The following EBF2 variants were observed in gnomAD, a reference collection of about 807,000 sequenced individuals.
The protein encoded by EBF2 is transcription factor COE2.
A neutral mutation model predicts 72.8 loss-of-function variants in EBF2; 21 were observed. The observed-to-expected ratio is 0.29, with a 90% CI of 0.20 to 0.42. EBF2 has a LOEUF of 0.42. EBF2 is among the 10% of genes least tolerant of loss of function. EBF2 has a pLI of 1.00. For synonymous variants in EBF2, 299 were observed against 274.2 expected (o/e 1.09, Z -0.89); for missense variants, 637 against 731.2 (o/e 0.87, Z 1.49).
chr8:26,036,328 A>C (rs547648851), intron 5 of EBF2, among the ~76,000 whole-genome samples: 2 of 152,208 alleles, frequency 1.3e-5, no homozygotes, highest in Non-Finnish European at 2.9e-5. Context: ...AAAAATGCAG[A>C]TAAACTTTAG....
At position 26,009,576 on chromosome 8, in the gene EBF2, T is replaced by A. The variant is rs556633244; in HGVS notation, c.551+23509A>T. ...GGCAACTTGGGTATTGACTCTATTT[T>A]GCTTCTTCCAGCCACGATTCTCTAA... On this transcript the variant is annotated intron_variant, in intron 6 of 15. Coordinates refer to ENST00000520164, the MANE Select transcript of EBF2 (RefSeq NM_022659.4). Among the ~76,000 whole-genome samples, 137 of 152,308 alleles carry A rather than the reference T, an allele frequency of 9.0e-4. 1 individual carries two copies. The highest frequency in any genetic ancestry group is 3.2e-3 in the African/African-American group (135 of 41,576).
chr8:25,931,401 A>T (rs1803477581), intron 6 of EBF2, among the ~76,000 whole-genome samples: 1 of 152,192 alleles, frequency 6.6e-6, no homozygotes, highest in South Asian at 2.1e-4. Flanking sequence ...GGTTTGGACG[A>T]CTTGAACCAG....
chr8:25,868,732 T>G (rs1187173168), intron 10 of EBF2, among the ~76,000 whole-genome samples: 14 of 152,208 alleles, frequency 9.2e-5, no homozygotes, highest in Admixed American at 9.2e-4. Flanking sequence ...CGCCTTAGCC[T>G]CCCAAATTGC....
intron 10 of EBF2, among the ~76,000 whole-genome samples, chr8:25,872,236 A>G (rs4568629): frequency 0.58 from 88,141 of 152,008 alleles, 28,080 homozygotes; most frequent in African/African-American, 0.86. Flanking sequence ...GACCAGCAGG[A>G]GCACTGATTG....
At chr8:26,021,441 C>T (rs1052978038) in intron 6 of EBF2, among the ~76,000 whole-genome samples, 2 of 152,192 alleles carry the variant, frequency 1.3e-5, no homozygotes, top group African/African-American at 2.4e-5. Flanking sequence ...GGTCTGAAGT[C>T]AGTTATGGCC....
At position 26,005,561 on chromosome 8, in the gene EBF2, TAG is replaced by T. The variant is rs1554481009; in HGVS notation, c.551+27522_551+27523del. The stretch of plus-strand genomic sequence containing the variant: ...TATATTTTATATATATATATATATA[TAG>T]AGAGAGAGAGAGAGAGGTATTTTGG... On this transcript the variant is annotated intron_variant, in intron 6 of 15. Coordinates refer to ENST00000520164, the MANE Select transcript of EBF2 (RefSeq NM_022659.4). Among the ~76,000 whole-genome samples the T allele has an allele frequency of 9.7e-3, 617 of 63,902 alleles. 31 individuals carry two copies. Among genetic ancestry groups the T allele is most frequent in the Admixed American group, 0.082 (289 of 3,544 alleles). 41.9% of individuals were successfully genotyped at this position (63,902 alleles called of 152,430 possible).
chr8:25,843,968 AG>A lies in EBF2; in HGVS notation c.*640del, dbSNP rs1801781636. 2 of 152,354 alleles carry A rather than the reference AG, an allele frequency of 1.3e-5. No individual in the cohort carries two copies. The highest frequency in any genetic ancestry group is 1.9e-4 in the East Asian group (1 of 5,180). The allele number at this position is 152,354 out of a possible 1,614,324, so 9.4% of individuals were successfully genotyped here. On this transcript the variant is annotated 3_prime_UTR_variant, in exon 16 of 16. Coordinates refer to ENST00000520164, the MANE Select transcript of EBF2 (RefSeq NM_022659.4). Reference sequence around the variant, plus strand: ...AGAAATCCCTCTCTCTTCCAAAAAAAGGTCTTAATTTCTACCTCTACTTACA... The same window carrying A: ...AGAAATCCCTCTCTCTTCCAAAAAAAGTCTTAATTTCTACCTCTACTTACA...
chr8:25,960,181 A>G (rs1182513073), intron 6 of EBF2, among the ~76,000 whole-genome samples: 1 of 152,160 alleles, frequency 6.6e-6, no homozygotes, highest in Non-Finnish European at 1.5e-5. Flanking sequence ...GGCAGACTCC[A>G]CCCTTGCTCA....
chr8:25,913,483 A>G (rs1410875207), intron 6 of EBF2, among the ~76,000 whole-genome samples: 1 of 152,190 alleles, frequency 6.6e-6, no homozygotes, highest in Non-Finnish European at 1.5e-5. Flanking sequence ...ATGTGAACTT[A>G]GTAGTAGTTA....
intron 6 of EBF2, among the ~76,000 whole-genome samples, chr8:25,923,990 A>T (rs924771980): frequency 1.1e-4 from 16 of 152,152 alleles, no homozygotes; most frequent in Admixed American, 9.8e-4. Context: ...TTTTCATGTG[A>T]TCTATAAAAT....
chr8:26,041,253 G>T, intron 2 of EBF2: 1 of 556,248 alleles, frequency 1.8e-6, no homozygotes. Flanking sequence ...CCTCAGAAGT[G>T]TGACCCTTGA....
At chr8:25,885,470 T>C (rs1585275676) in intron 10 of EBF2, among the ~76,000 whole-genome samples, 2 of 152,348 alleles carry the variant, frequency 1.3e-5, no homozygotes, top group East Asian at 3.9e-4. Flanking sequence ...CTACTGTATG[T>C]ACTACATAAG....
intron 6 of EBF2, among the ~76,000 whole-genome samples, chr8:25,958,401 A>ATTTTT (rs61438717): frequency 6.7e-6 from 1 of 150,164 alleles, no homozygotes; most frequent in Non-Finnish European, 1.5e-5. Context: ...TTTCCCCGGC[A>ATTTTT]TTTTTTTTTT....
At chr8:25,927,825 G>A (rs1480891749) in intron 6 of EBF2, among the ~76,000 whole-genome samples, 1 of 152,142 alleles carries the variant, frequency 6.6e-6, no homozygotes, top group Non-Finnish European at 1.5e-5. Flanking sequence ...TAATTAAAGT[G>A]TGTCAAGTTT....
chr8:25,980,914 A>C (rs1254849788), intron 6 of EBF2, among the ~76,000 whole-genome samples: 3 of 140,252 alleles, frequency 2.1e-5, no homozygotes, highest in Admixed American at 7.1e-5. Context: ...GACCCCCTTC[A>C]CCCCTGGAGT....
In EBF2 at chr8:25,983,532, C is replaced by T. The variant is rs142300709; in HGVS notation, c.551+49553G>A. On this transcript the variant is annotated intron_variant, in intron 6 of 15. Transcript: ENST00000520164. ...GAGAAAGTGTCATTCACTCTCCTGCCCTCATCCCCAGCTGTCTACTGGGAA... is the reference window on the plus strand; with the variant it reads ...GAGAAAGTGTCATTCACTCTCCTGCTCTCATCCCCAGCTGTCTACTGGGAA... Among the ~76,000 whole-genome samples, 137 of 152,300 alleles carry T rather than the reference C, an allele frequency of 9.0e-4. 1 individual carries two copies. Among genetic ancestry groups the T allele is most frequent in the African/African-American group, 3.1e-3 (130 of 41,568 alleles).
intron 10 of EBF2, among the ~76,000 whole-genome samples, chr8:25,874,352 C>T (rs964083327): frequency 6.6e-6 from 1 of 152,080 alleles, no homozygotes; most frequent in African/African-American, 2.4e-5. Flanking sequence ...TTCCTCCCAG[C>T]TGCTGCCTGT....
At chr8:26,041,049 A>C (rs1982768) in intron 2 of EBF2, 47 bp from the exon 3 acceptor site, 234,409 of 1,605,018 alleles carry the variant, frequency 0.15, 18,086 homozygotes, top group Admixed American at 0.17. Flanking sequence ...CAGCCCCCCA[A>C]AATGAGGGAA....
At position 25,972,482 on chromosome 8, in the gene EBF2, G is replaced by C. The variant is rs369985347; in HGVS notation, c.551+60603C>G. On this transcript the variant is annotated intron_variant, in intron 6 of 15. Transcript: ENST00000520164. ...CAGTGGAAGCAAAGTTTAGAATCTG[G>C]ATGGGCAGCGTAGGATTACTTCTAA... is the stretch of plus-strand genomic sequence containing the variant. Among the ~76,000 whole-genome samples the C allele has an allele frequency of 9.2e-5, 14 of 152,262 alleles. No individual in the cohort carries two copies. In the South Asian group the frequency reaches 2.9e-3, roughly 32 times the overall value.
Sources: allele counts gnomAD v4.1 joint callset (sites outside exome capture counted in the v4.1 genomes callset), GRCh38; gene constraint gnomAD v4.1.1; transcripts MANE v1.5; gene names NCBI Gene and HGNC (gene_info 2026-07-23, HGNC 2026-07-21).